The following CNTNAP5 variants were observed in gnomAD, a reference collection of about 807,000 sequenced individuals.
CNTNAP5 encodes the protein contactin-associated protein-like 5.
A neutral mutation model predicts 150.2 loss-of-function variants in CNTNAP5; 72 were observed. That is an observed-to-expected ratio of 0.48 (90% CI 0.40 to 0.58). CNTNAP5 has a LOEUF of 0.58. CNTNAP5 is among the 20% of genes least tolerant of loss of function. CNTNAP5 has a pLI of 0.00. For synonymous variants in CNTNAP5, 672 were observed against 619.8 expected (o/e 1.08, Z -1.25); for missense variants, 1,636 against 1,626.2 (o/e 1.01, Z -0.10).
chr2:124,309,756 C>T (rs569996184), intron 3 of CNTNAP5, among the ~76,000 whole-genome samples: 3 of 152,156 alleles, frequency 2.0e-5, no homozygotes, highest in African/African-American at 7.2e-5. Context: ...TCCCAAGGCC[C>T]CTGCTGATGA....
chr2:124,376,940 A>G (rs942625206), intron 3 of CNTNAP5, among the ~76,000 whole-genome samples: 2 of 152,144 alleles, frequency 1.3e-5, no homozygotes, highest in Admixed American at 6.5e-5. Context: ...AAATGGAAAT[A>G]TTGATACCTA....
chr2:124,638,200 A>AATACATATATATGATACATATATATG (rs148089008), intron 12 of CNTNAP5, among the ~76,000 whole-genome samples: 9,099 of 147,736 alleles, frequency 0.062, 433 homozygotes, highest in Non-Finnish European at 0.087. Flanking sequence ...AGATATATAT[A>AATACATATATATGATACATATATATG]ATACATATAT....
intron 12 of CNTNAP5, among the ~76,000 whole-genome samples, chr2:124,628,484 A>G (rs1254404539): frequency 6.6e-6 from 1 of 152,200 alleles, no homozygotes; most frequent in African/African-American, 2.4e-5. Flanking sequence ...GAGCAAAGAA[A>G]AAAGTAAAAT....
Position 124,908,897 on chromosome 2 carries a change from AG to A in CNTNAP5, c.3656-2568del, listed in dbSNP as rs555120493. On this transcript the variant is annotated intron_variant, in intron 22 of 23. Coordinates refer to ENST00000682447, the MANE Select transcript of CNTNAP5 (RefSeq NM_001367498.1). ...AAAATAGAAAAAATCTTCTAGCAAA[AG>A]GATATAAAGAAAGAAAATATTTTTG... Among the ~76,000 whole-genome samples the A allele has an allele frequency of 1.6e-4, 24 of 152,288 alleles. No homozygotes were observed. In the South Asian group the frequency reaches 5.0e-3, roughly 32 times the overall value.
intron 6 of CNTNAP5, among the ~76,000 whole-genome samples, chr2:124,471,889 G>C (rs1363798053): frequency 6.6e-6 from 1 of 151,878 alleles, no homozygotes; most frequent in African/African-American, 2.4e-5. Context: ...TAATGTAAAT[G>C]ACTCAAATTT....
At chr2:124,510,313 C>CTATATATCTATATATCGATATA (rs1175360881) in intron 8 of CNTNAP5, among the ~76,000 whole-genome samples, 1 of 54,280 alleles carries the variant, frequency 1.8e-5, no homozygotes. Context: ...ATATATATAT[C>CTATATATCTATATATCGATATA]TATATATCTA....
At position 124,633,551 on chromosome 2, in the gene CNTNAP5, A is replaced by G. The variant is rs115831230; in HGVS notation, c.1877-14207A>G. Among the ~76,000 whole-genome samples the G allele has an allele frequency of 9.0e-3, 1,375 of 152,200 alleles. 16 individuals carry two copies. The highest frequency in any genetic ancestry group is 0.032 in the African/African-American group (1,312 of 41,538). ...ACAGCCTCTGTGGCTGCTTTCACAG[A>G]CTCACAGTGCAAGCTGTTAGTGGAT... On this transcript the variant is annotated intron_variant, in intron 12 of 23. Coordinates refer to ENST00000682447, the MANE Select transcript of CNTNAP5 (RefSeq NM_001367498.1).
At chr2:124,593,204 A>C (rs994922772) in intron 11 of CNTNAP5, among the ~76,000 whole-genome samples, 3 of 146,604 alleles carry the variant, frequency 2.0e-5, no homozygotes, top group African/African-American at 7.5e-5. Flanking sequence ...TTACATATGT[A>C]TACATGTGCC....
intron 1 of CNTNAP5, among the ~76,000 whole-genome samples, chr2:124,026,623 A>T (rs72845433): frequency 0.014 from 2,081 of 152,300 alleles, 26 homozygotes; most frequent in Non-Finnish European, 0.017. Flanking sequence ...CAGCTCTGGG[A>T]CTTCCTAAAT....
chr2:124,473,530 A>T (rs919018418), intron 6 of CNTNAP5, among the ~76,000 whole-genome samples: 1 of 152,076 alleles, frequency 6.6e-6, no homozygotes, highest in Non-Finnish European at 1.5e-5. Context: ...CTTGTAAAAA[A>T]ATCTAAAAAT....
intron 19 of CNTNAP5, among the ~76,000 whole-genome samples, chr2:124,861,362 C>T (rs1255971034): frequency 1.3e-5 from 2 of 151,974 alleles, no homozygotes; most frequent in South Asian, 2.1e-4. Context: ...CACCTGAGGT[C>T]AGGAGATCAA....
chr2:124,267,132 T>C (rs1003329071), intron 3 of CNTNAP5, among the ~76,000 whole-genome samples: 15 of 152,138 alleles, frequency 9.9e-5, no homozygotes, highest in Non-Finnish European at 2.1e-4. Context: ...GAATGGAATA[T>C]GCAGGCTGCA....
intron 11 of CNTNAP5, among the ~76,000 whole-genome samples, chr2:124,567,381 C>T (rs1696048520): frequency 6.6e-6 from 1 of 152,156 alleles, no homozygotes; most frequent in Non-Finnish European, 1.5e-5. Flanking sequence ...TTCAAACATA[C>T]ATCATTCAAA....
intron 1 of CNTNAP5, among the ~76,000 whole-genome samples, chr2:124,215,042 A>G (rs1036590110): frequency 2.0e-5 from 3 of 152,190 alleles, no homozygotes; most frequent in African/African-American, 4.8e-5. Flanking sequence ...GTTATTTTCT[A>G]AGTGAAATTA....
At chr2:124,361,786 G>A (rs1231620913) in intron 3 of CNTNAP5, among the ~76,000 whole-genome samples, 1 of 152,108 alleles carries the variant, frequency 6.6e-6, no homozygotes, top group African/African-American at 2.4e-5. Flanking sequence ...TGCCCCCAGA[G>A]GTGGAGCCTA....
intron 21 of CNTNAP5, among the ~76,000 whole-genome samples, chr2:124,891,459 G>A (rs759369402): frequency 1.7e-4 from 26 of 152,098 alleles, no homozygotes; most frequent in Admixed American, 5.9e-4. Flanking sequence ...AGTGAAGGGC[G>A]TGATGACGAT....
chr2:124,031,570 A>G (rs1306398979), intron 1 of CNTNAP5, among the ~76,000 whole-genome samples: 1 of 152,126 alleles, frequency 6.6e-6, no homozygotes, highest in Non-Finnish European at 1.5e-5. Context: ...AAGCTTTCAT[A>G]TTTCCATGAC....
chr2:124,485,168 C>T (rs1693842736), intron 7 of CNTNAP5, among the ~76,000 whole-genome samples: 1 of 152,076 alleles, frequency 6.6e-6, no homozygotes, highest in African/African-American at 2.4e-5. Context: ...ACTAATAAAA[C>T]AGGTAAATAG....
Position 124,589,354 on chromosome 2 carries a change from A to G in CNTNAP5, c.1757-20447A>G, listed in dbSNP as rs559849091. Among the ~76,000 whole-genome samples the G allele has an allele frequency of 1.0e-3, 153 of 152,302 alleles. 1 individual carries two copies. Among genetic ancestry groups the G allele is most frequent in the African/African-American group, 3.6e-3 (150 of 41,568 alleles). On this transcript the variant is annotated intron_variant, in intron 11 of 23. Transcript: ENST00000682447. The stretch of plus-strand genomic sequence containing the variant: ...TTTCACGATTTATCTGTGTTGTAGC[A>G]TGTCTCATTCCTTTTCACTGCCTAG...
Sources: allele counts gnomAD v4.1 joint callset (sites outside exome capture counted in the v4.1 genomes callset), GRCh38; gene constraint gnomAD v4.1.1; transcripts MANE v1.5; gene names NCBI Gene and HGNC (gene_info 2026-07-23, HGNC 2026-07-21).